The following RAD51B variants were observed in gnomAD, a reference collection of about 807,000 sequenced individuals.
The protein encoded by RAD51B is RAD51 paralog B, also known as DNA repair protein RAD51 homolog 2.
Under a neutral mutation model 42.2 loss-of-function variants are expected in RAD51B, and 38 were observed. The ratio of observed to expected loss-of-function variants is 0.90; its 90% CI spans 0.70 to 1.18. The LOEUF is 1.18. RAD51B is among the 50% of genes most tolerant of loss of function. The pLI, the probability that RAD51B is intolerant of heterozygous loss-of-function variation, is 0.00. For synonymous variants in RAD51B, 154 were observed against 145.2 expected (o/e 1.06, Z -0.43); for missense variants, 373 against 400.7 (o/e 0.93, Z 0.59).
chr14:68,574,384 G>C (rs564642079), intron 10 of RAD51B, among the ~76,000 whole-genome samples: 3 of 152,074 alleles, frequency 2.0e-5, no homozygotes, highest in African/African-American at 7.3e-5. Context: ...CACTGCACCC[G>C]GCCACAGCTA....
At chr14:68,266,058 C>G (rs563551526) in intron 7 of RAD51B, among the ~76,000 whole-genome samples, 18 of 152,318 alleles carry the variant, frequency 1.2e-4, no homozygotes, top group Admixed American at 9.2e-4. Flanking sequence ...TACCCCTGAG[C>G]AGTCCTTGCC....
intron 7 of RAD51B, among the ~76,000 whole-genome samples, chr14:68,187,010 G>T (rs533608351): frequency 4.6e-5 from 7 of 152,316 alleles, no homozygotes; most frequent in African/African-American, 9.6e-5. Context: ...ATAGACCATG[G>T]AATACTATGC....
At chr14:68,331,872 A>C (rs2082358466) in intron 8 of RAD51B, among the ~76,000 whole-genome samples, 1 of 152,224 alleles carries the variant, frequency 6.6e-6, no homozygotes, top group Admixed American at 6.5e-5. Flanking sequence ...CAATTCTGCA[A>C]ACTGGTTATT....
At chr14:68,621,232 C>A (rs1198838711) in intron 10 of RAD51B, among the ~76,000 whole-genome samples, 1 of 152,194 alleles carries the variant, frequency 6.6e-6, no homozygotes, top group Non-Finnish European at 1.5e-5. Context: ...CAATGGAAAG[C>A]AAAAGCCCCT....
chr14:68,400,329 A>T (rs2084063422), intron 8 of RAD51B, among the ~76,000 whole-genome samples: 1 of 152,168 alleles, frequency 6.6e-6, no homozygotes, highest in South Asian at 2.1e-4. Context: ...AGGACATGCC[A>T]CTTTGCACCC....
chr14:68,355,124 A>C (rs1347123549), intron 8 of RAD51B, among the ~76,000 whole-genome samples: 1 of 152,196 alleles, frequency 6.6e-6, no homozygotes, highest in Non-Finnish European at 1.5e-5. Context: ...GAGCTCCCAT[A>C]CTGTAGAGAT....
chr14:68,608,714 A>G (rs956510628), intron 10 of RAD51B, among the ~76,000 whole-genome samples: 7 of 152,128 alleles, frequency 4.6e-5, no homozygotes, highest in Non-Finnish European at 1.0e-4. Context: ...GAGTGGGGTT[A>G]AGTGAGCATG....
chr14:67,932,238 A>G (rs2140160399), intron 7 of RAD51B, among the ~76,000 whole-genome samples: 1 of 152,272 alleles, frequency 6.6e-6, no homozygotes, highest in Middle Eastern at 3.4e-3. Flanking sequence ...AGATGTATCA[A>G]TGGTGCTAGT....
chr14:68,365,945 A>G (rs1245625312), intron 8 of RAD51B, among the ~76,000 whole-genome samples: 8 of 152,058 alleles, frequency 5.3e-5, no homozygotes, highest in Non-Finnish European at 1.5e-5. Context: ...TATTTGTGAA[A>G]TATTTAGGCA....
At chr14:68,678,032 G>A (rs372706873) in intron 11 of RAD51B, among the ~76,000 whole-genome samples, 1 of 152,164 alleles carries the variant, frequency 6.6e-6, no homozygotes, top group Admixed American at 6.5e-5. Context: ...GCTTTATCTC[G>A]TTAACCTGCA....
chr14:68,409,756 G>A (rs530275089), intron 8 of RAD51B, among the ~76,000 whole-genome samples: 3 of 152,304 alleles, frequency 2.0e-5, no homozygotes, highest in South Asian at 2.1e-4. Context: ...TTAGGAGATA[G>A]TATTTAATCT....
intron 8 of RAD51B, among the ~76,000 whole-genome samples, chr14:68,377,789 A>G (rs1192497898): frequency 6.6e-6 from 1 of 152,256 alleles, no homozygotes; most frequent in Non-Finnish European, 1.5e-5. Flanking sequence ...TTAGGGAGTC[A>G]CTGTCTTCAC....
At chr14:68,019,494 T>G (rs1158876377) in intron 7 of RAD51B, among the ~76,000 whole-genome samples, 1 of 152,166 alleles carries the variant, frequency 6.6e-6, no homozygotes, top group African/African-American at 2.4e-5. Flanking sequence ...AATCATGGGT[T>G]TAACTGCATG....
intron 10 of RAD51B, among the ~76,000 whole-genome samples, chr14:68,583,403 G>T (rs1415397939): frequency 2.0e-5 from 3 of 152,246 alleles, no homozygotes; most frequent in African/African-American, 7.2e-5. Flanking sequence ...TCCAGGTAAG[G>T]GTACAATGTA....
chr14:68,077,130 A>T (rs374120189), intron 7 of RAD51B, among the ~76,000 whole-genome samples: 1 of 152,182 alleles, frequency 6.6e-6, no homozygotes, highest in Non-Finnish European at 1.5e-5. Flanking sequence ...TTTTCTCTGG[A>T]TGGTGGTCAG....
chr14:67,954,853 C>T (rs1165884321), intron 7 of RAD51B, among the ~76,000 whole-genome samples: 2 of 152,044 alleles, frequency 1.3e-5, no homozygotes, highest in African/African-American at 4.8e-5. Flanking sequence ...AGGGGGTTAA[C>T]TGTTGGCTGA....
intron 7 of RAD51B, among the ~76,000 whole-genome samples, chr14:68,280,908 T>C (rs550955392): frequency 4.6e-5 from 7 of 151,974 alleles, no homozygotes; most frequent in South Asian, 2.1e-4. Context: ...AAATAAAACA[T>C]TGGCCGGGTG....
intron 10 of RAD51B, among the ~76,000 whole-genome samples, chr14:68,521,717 G>A (rs962942389): frequency 1.3e-5 from 2 of 152,184 alleles, no homozygotes; most frequent in African/African-American, 4.8e-5. Flanking sequence ...TCCCTGCACT[G>A]TTCCTGCAGC....
chr14:68,167,889 G>A (rs1001674465), intron 7 of RAD51B, among the ~76,000 whole-genome samples: 1 of 152,098 alleles, frequency 6.6e-6, no homozygotes, highest in Admixed American at 6.6e-5. Flanking sequence ...ACAAGCTTAT[G>A]AGATGGATTT....
Sources: gnomAD v4.1 joint callset for allele counts (sites outside exome capture counted in the v4.1 genomes callset) on GRCh38, gnomAD v4.1.1 for gene constraint, MANE v1.5 for transcripts, NCBI Gene and HGNC (gene_info 2026-07-23, HGNC 2026-07-21) for gene names.